Variants in ARRDC5 observed in about 807,000 individuals in gnomAD.
ARRDC5 encodes arrestin domain-containing protein 5.
In ARRDC5, 12 loss-of-function variants were observed where a neutral mutation model predicts 13.3. The observed-to-expected ratio is 0.90, with a 90% CI of 0.58 to 1.46. The LOEUF (loss-of-function observed/expected upper bound fraction) is 1.46. Ranked by LOEUF, ARRDC5 falls within the 40% of genes most tolerant of loss-of-function variation. The pLI is 0.00. For synonymous variants in ARRDC5, 181 were observed against 173.4 expected (o/e 1.04, Z -0.34); for missense variants, 406 against 418.7 (o/e 0.97, Z 0.26).
the ARRDC5 span, among the ~76,000 whole-genome samples, chr19:4,915,961 C>T: frequency 6.6e-6 from 1 of 152,132 alleles, no homozygotes; most frequent in Non-Finnish European, 1.5e-5. Flanking sequence ...CCAGAATGAT[C>T]CAATAGCCCC....
chr19:4,909,567 G>A, the ARRDC5 span: 1 of 658,138 alleles, frequency 1.5e-6, no homozygotes, highest in South Asian at 1.6e-5. Context: ...GCAAGTCCGC[G>A]CGGGGTCCGG....
upstream of ARRDC5, among the ~76,000 whole-genome samples, chr19:4,907,138 C>A (rs911593713): frequency 6.6e-6 from 1 of 152,214 alleles, no homozygotes; most frequent in Non-Finnish European, 1.5e-5. Flanking sequence ...TTGATAGAGC[C>A]TTGCTCTGTC....
At chr19:4,912,804 G>A in the ARRDC5 span, among the ~76,000 whole-genome samples, 1 of 152,170 alleles carries the variant, frequency 6.6e-6, no homozygotes, top group South Asian at 2.1e-4. Context: ...ACTCTGCCCA[G>A]GCTGTGTTGC....
chr19:4,909,698 G>T, the ARRDC5 span: 1 of 508,164 alleles, frequency 2.0e-6, no homozygotes, highest in Non-Finnish European at 3.4e-6. Flanking sequence ...CGGGCCGGGC[G>T]CACGGGGCTC....
intron 2 of ARRDC5, among the ~76,000 whole-genome samples, chr19:4,895,756 C>T (rs1183437353): frequency 6.6e-6 from 1 of 152,192 alleles, no homozygotes; most frequent in East Asian, 1.9e-4. Context: ...CTGAGGGTCA[C>T]CCTGTGGGGC....
intron 1 of ARRDC5, among the ~76,000 whole-genome samples, chr19:4,898,577 G>C (rs1161164317): frequency 2.0e-5 from 3 of 151,872 alleles, no homozygotes; most frequent in African/African-American, 7.3e-5. Flanking sequence ...GGCCAGGCTG[G>C]TCTCGAACTC....
the ARRDC5 span, among the ~76,000 whole-genome samples, chr19:4,911,869 G>A: frequency 5.3e-5 from 8 of 152,122 alleles, no homozygotes; most frequent in Non-Finnish European, 7.4e-5. Context: ...CCGTGGGGAC[G>A]GGCGTAGACT....
the ARRDC5 span, among the ~76,000 whole-genome samples, chr19:4,908,495 C>T: frequency 6.6e-6 from 1 of 152,120 alleles, no homozygotes; most frequent in African/African-American, 2.4e-5. Context: ...GGGCCCCAAC[C>T]ACACCAGCCC....
At chr19:4,897,131 A>G (rs73530773) in intron 1 of ARRDC5, among the ~76,000 whole-genome samples, 1,878 of 151,974 alleles carry the variant, frequency 0.012, 34 homozygotes, top group African/African-American at 0.043. Context: ...TAATTTTTAT[A>G]TTTTTGACAG....
the ARRDC5 span, among the ~76,000 whole-genome samples, chr19:4,914,355 A>T: frequency 6.6e-6 from 1 of 152,260 alleles, no homozygotes; most frequent in African/African-American, 2.4e-5. Flanking sequence ...GTGGGCACAA[A>T]TGGGCAGTTG....
the ARRDC5 span, chr19:4,911,032 C>T: frequency 9.4e-6 from 15 of 1,594,290 alleles, no homozygotes; most frequent in Non-Finnish European, 1.2e-5. Context: ...TCTACAGGGG[C>T]AAACAGGTAC....
Position 4,891,524 on chromosome 19 carries a change from C to T in ARRDC5, c.509G>A (p.Arg170His), listed in dbSNP as rs755177004. 102 of 1,613,626 alleles carry T rather than the reference C, an allele frequency of 6.3e-5. No homozygotes were observed. The highest frequency in any genetic ancestry group is 1.3e-4 in the East Asian group (6 of 44,884). ...AEEKVSYNCCRQGTVCLQIQM... is the reference protein window; with the variant it reads ...AEEKVSYNCCHQGTVCLQIQM... ...GATTTGCAAACAGACAGTGCCCTGG[C>T]GGCAGCAGTTGTAGGAGACTTTCTC... The change falls in exon 3 of 3, where the codon CGC becomes CAC. Residue 170 changes from arginine to histidine, a missense_variant. Transcript: ENST00000650722.
rs1568392388 is a variant in ARRDC5 at position 4,891,298 on chromosome 19, C to G, written c.735G>C (p.Val245=). 1 of 1,613,912 alleles carries G rather than the reference C, an allele frequency of 6.2e-7. No individual in the cohort carries two copies. The highest frequency in any genetic ancestry group is 8.5e-7 in the Non-Finnish European group (1 of 1,179,902). Residue 245 remains valine (V), a synonymous_variant, in exon 3 of 3, where the codon GTG becomes GTC. Transcript: ENST00000650722. ...CAACCTTGGTGGTGTTGAAGCGGGT[C>G]ACGGGGGTGTTGGCCTCCTGCCTCA... ...ELLRQEANTP[V]TRFNTTKVVS...
At chr19:4,906,752 CAAAAAGAAAAAGAA>C (rs1013086630), upstream of ARRDC5, among the ~76,000 whole-genome samples, 10 of 151,890 alleles carry the variant, frequency 6.6e-5, no homozygotes, top group African/African-American at 1.2e-4. Context: ...GACTCCATCT[CAAAAAGAAAAAGAA>C]AAAAAGAAAA....
chr19:4,911,133 C>CG, the ARRDC5 span: 1 of 1,254,862 alleles, frequency 8.0e-7, no homozygotes, highest in South Asian at 1.6e-5. Context: ...ACCTCCCCCC[C>CG]CAACAACCTC....
At chr19:4,904,242 G>A (rs1241927297), upstream of ARRDC5, among the ~76,000 whole-genome samples, 3 of 151,850 alleles carry the variant, frequency 2.0e-5, no homozygotes, top group East Asian at 3.9e-4. Flanking sequence ...GCAGTGGTGC[G>A]ATCTCGGCTC....
chr19:4,901,613 C>CA (rs886294509), intron 1 of ARRDC5, among the ~76,000 whole-genome samples: 1 of 151,822 alleles, frequency 6.6e-6, no homozygotes. Context: ...GACTGTGTCT[C>CA]AAAAAATAGA....
intron 2 of ARRDC5, among the ~76,000 whole-genome samples, chr19:4,893,582 G>A (rs12980681): frequency 0.29 from 43,172 of 150,204 alleles, 6,991 homozygotes; most frequent in Middle Eastern, 0.48. Flanking sequence ...CGACTGGGTT[G>A]TGACCTGTGA....
chr19:4,906,050 C>T (rs950223898), upstream of ARRDC5, among the ~76,000 whole-genome samples: 1 of 152,212 alleles, frequency 6.6e-6, no homozygotes, highest in Non-Finnish European at 1.5e-5. Flanking sequence ...AAGCATGGCT[C>T]ACTGTTGCCT....
Sources: gnomAD v4.1 joint callset for allele counts (sites outside exome capture counted in the v4.1 genomes callset) on GRCh38, gnomAD v4.1.1 for gene constraint, MANE v1.5 for transcripts, NCBI Gene and HGNC (gene_info 2026-07-23, HGNC 2026-07-21) for gene names.